The following HSD17B4 variants were observed in gnomAD, a reference collection of about 807,000 sequenced individuals.
HSD17B4 encodes hydroxysteroid 17-beta dehydrogenase 4, also known as peroxisomal multifunctional enzyme type 2.
A neutral mutation model predicts 101.0 loss-of-function variants in HSD17B4; 70 were observed. The ratio of observed to expected loss-of-function variants is 0.69; its 90% CI spans 0.57 to 0.85. The LOEUF is 0.85. Ranked by LOEUF, HSD17B4 falls within the 40% of genes least tolerant of loss-of-function variation. The pLI, the probability that HSD17B4 is intolerant of heterozygous loss-of-function variation, is 0.00. For missense variants in HSD17B4, 984 were observed against 892.4 expected (o/e 1.10, Z -1.31); for synonymous variants, 347 against 297.1 (o/e 1.17, Z -1.73).
At chr5:119,515,126 A>G (rs1752502190) in intron 17 of HSD17B4, 80 bp downstream of exon 17, 4 of 805,328 alleles carry the variant, frequency 5.0e-6, no homozygotes, top group Non-Finnish European at 9.0e-6. Context: ...ACCTTATAAC[A>G]TTATGCATCT....
intron 17 of HSD17B4, among the ~76,000 whole-genome samples, chr5:119,521,077 G>C (rs1230698116): frequency 6.6e-6 from 1 of 152,184 alleles, no homozygotes; most frequent in Non-Finnish European, 1.5e-5. Context: ...AGCTCCTTCT[G>C]TGGAAGGTTT....
intron 8 of HSD17B4, 61 bp from the exon 9 acceptor site, chr5:119,489,131 A>T: frequency 8.8e-7 from 1 of 1,131,968 alleles, no homozygotes; most frequent in Non-Finnish European, 1.3e-6. Context: ...ATAATTTTAT[A>T]AGTAAGAAAT....
At chr5:119,473,336 C>T (rs866780331) in intron 2 of HSD17B4, among the ~76,000 whole-genome samples, 135 of 29,898 alleles carry the variant, frequency 4.5e-3, no homozygotes, top group Admixed American at 6.4e-3. Flanking sequence ...TTTTTTTTTC[C>T]TGGAAAGGGT....
intron 8 of HSD17B4, among the ~76,000 whole-genome samples, chr5:119,483,258 C>T (rs1749312763): frequency 6.6e-6 from 1 of 152,142 alleles, no homozygotes; most frequent in South Asian, 2.1e-4. Context: ...GTTCTAACTG[C>T]TTGGGCTCTG....
chr5:119,477,762 T>G, intron 7 of HSD17B4: 1 of 437,510 alleles, frequency 2.3e-6, no homozygotes, highest in East Asian at 4.5e-5. Context: ...TGGCAATTTT[T>G]ATTTTATTTT....
chr5:119,475,950 A>G (rs1748542728), intron 6 of HSD17B4, 80 bp downstream of exon 6: 1 of 1,019,442 alleles, frequency 9.8e-7, no homozygotes, highest in Admixed American at 1.8e-5. Flanking sequence ...TATACATTTA[A>G]GGAAAAACCT....
chr5:119,536,414 T>G lies in HSD17B4; in HGVS notation c.1994-9T>G, dbSNP rs760474009. 3.1e-6 allele frequency: 5 copies of G among 1,611,772 alleles called. No homozygotes were observed. The Admixed American group carries it at 6.7e-5, about 22-fold the overall frequency. On this transcript the variant is annotated splice_polypyrimidine_tract_variant and intron_variant, in intron 22 of 23. Transcript: ENST00000510025. Reference sequence around the variant, plus strand: ...AAGATACACATTGGTTTCTTCCTATTTTTCCCAGCTATTGACCTGAAAAGT... The same window carrying G: ...AAGATACACATTGGTTTCTTCCTATGTTTCCCAGCTATTGACCTGAAAAGT...
At chr5:119,524,314 A>C (rs1391377649) in intron 17 of HSD17B4, among the ~76,000 whole-genome samples, 1 of 152,164 alleles carries the variant, frequency 6.6e-6, no homozygotes, top group Non-Finnish European at 1.5e-5. Flanking sequence ...TCTATAAATA[A>C]AACTTGTTAA....
chr5:119,530,860 AAAAC>A (rs1258170071), intron 21 of HSD17B4, among the ~76,000 whole-genome samples: 9 of 131,876 alleles, frequency 6.8e-5, no homozygotes, highest in African/African-American at 2.7e-4. Flanking sequence ...AAAAAAAAAA[AAAAC>A]AAAAAACAAA....
At chr5:119,466,058 T>A (rs1200058733) in intron 2 of HSD17B4, among the ~76,000 whole-genome samples, 1 of 152,202 alleles carries the variant, frequency 6.6e-6, no homozygotes, top group Admixed American at 6.5e-5. Flanking sequence ...TACCACATGC[T>A]TTCTCTTGAG....
intron 17 of HSD17B4, among the ~76,000 whole-genome samples, chr5:119,523,227 T>TA (rs1753270170): frequency 6.6e-6 from 1 of 152,170 alleles, no homozygotes; most frequent in African/African-American, 2.4e-5. Flanking sequence ...GGTACAATTT[T>TA]AAAAAATCAA....
chr5:119,473,273 CTTTTTTTTTTTTTTTTT>C (rs11408993), intron 2 of HSD17B4, among the ~76,000 whole-genome samples: 1 of 36,964 alleles, frequency 2.7e-5, no homozygotes, highest in South Asian at 1.8e-3. Flanking sequence ...GTGGATGAAT[CTTTTTTTTTTTTTTTTT>C]TTTTTTACTT....
chr5:119,493,958 C>A lies in HSD17B4; in HGVS notation c.868+12C>A. On this transcript the variant is annotated intron_variant, in intron 11 of 23. Coordinates refer to ENST00000510025, the MANE Select transcript of HSD17B4 (RefSeq NM_000414.4). ...TCAGAGTATCCAAGGTAAAGAGAGT[C>A]CCCGTCACTTAGCCCTGGTTGGGGA... is the stretch of plus-strand genomic sequence containing the variant. 1 of 1,612,654 alleles carries A rather than the reference C, an allele frequency of 6.2e-7. No individual in the cohort carries two copies. Among genetic ancestry groups the A allele is most frequent in the Non-Finnish European group, 8.5e-7 (1 of 1,179,054 alleles).
chr5:119,503,058 C>A (rs930521536), intron 14 of HSD17B4, among the ~76,000 whole-genome samples: 3 of 149,990 alleles, frequency 2.0e-5, no homozygotes, highest in African/African-American at 4.9e-5. Context: ...TGTAGATTCT[C>A]AATCCCAACC....
intron 17 of HSD17B4, among the ~76,000 whole-genome samples, chr5:119,523,630 C>T (rs1242142457): frequency 2.6e-5 from 4 of 152,078 alleles, no homozygotes; most frequent in Non-Finnish European, 5.9e-5. Context: ...AATACGATTT[C>T]TTCAGAACAC....
chr5:119,478,503 G>C (rs1200684137), intron 7 of HSD17B4, among the ~76,000 whole-genome samples: 2 of 152,060 alleles, frequency 1.3e-5, no homozygotes, highest in Non-Finnish European at 2.9e-5. Flanking sequence ...AAAGTGATGA[G>C]GACTGAAAAA....
chr5:119,498,960 A>G (rs141065514), intron 12 of HSD17B4, among the ~76,000 whole-genome samples: 183 of 152,330 alleles, frequency 1.2e-3, no homozygotes, highest in African/African-American at 4.3e-3. Context: ...TTTACAGTGA[A>G]CTTTATACAT....
At chr5:119,458,723 A>G (rs1754923142) in intron 2 of HSD17B4, among the ~76,000 whole-genome samples, 1 of 152,164 alleles carries the variant, frequency 6.6e-6, no homozygotes, top group Non-Finnish European at 1.5e-5. Flanking sequence ...ATTCCATAAT[A>G]TAAAGCTTAT....
chr5:119,470,844 T>C (rs1756292839), intron 2 of HSD17B4, among the ~76,000 whole-genome samples: 1 of 152,234 alleles, frequency 6.6e-6, no homozygotes, highest in Non-Finnish European at 1.5e-5. Context: ...AAGATTTTAA[T>C]TTCTGTGATT....
Sources: allele counts gnomAD v4.1 joint callset (sites outside exome capture counted in the v4.1 genomes callset), GRCh38; gene constraint gnomAD v4.1.1; transcripts MANE v1.5; gene names NCBI Gene and HGNC (gene_info 2026-07-23, HGNC 2026-07-21).